CCDC158: variants seen among roughly 807,000 people sequenced by gnomAD.
The protein encoded by CCDC158 is coiled-coil domain containing 158, also known as coiled-coil domain-containing protein 158.
Under a neutral mutation model 138.6 loss-of-function variants are expected in CCDC158, and 116 were observed. The observed-to-expected ratio is 0.84, with a 90% CI of 0.72 to 0.98. CCDC158 has a LOEUF of 0.98. Among genes scored for constraint, CCDC158 ranks in the 50% least tolerant of loss-of-function variants. The pLI, the probability that CCDC158 is intolerant of heterozygous loss-of-function variation, is 0.00. For missense variants in CCDC158, 1,265 were observed against 1,306.1 expected, an observed-to-expected ratio of 0.97 and a Z score of 0.48; for synonymous variants, 436 against 442.4, an observed-to-expected ratio of 0.99 and a Z score of 0.18.
chr4:76,339,931 A>C (rs374918568), intron 18 of CCDC158, among the ~76,000 whole-genome samples: 6 of 152,184 alleles, frequency 3.9e-5, no homozygotes, highest in African/African-American at 1.4e-4. Context: ...TCTCTTATAC[A>C]CAGAAGTGAG....
At chr4:76,395,192 T>C (rs1162309795) in intron 4 of CCDC158, among the ~76,000 whole-genome samples, 2 of 152,214 alleles carry the variant, frequency 1.3e-5, no homozygotes, top group African/African-American at 2.4e-5. Context: ...TGTCTATATA[T>C]ACAACTTCAT....
chr4:76,353,248 G>A lies in CCDC158; in HGVS notation c.2320C>T (p.Leu774Phe), dbSNP rs1723223507. 6.2e-7 allele frequency: 1 copy of A among 1,609,446 alleles called. No individual in the cohort carries two copies. Among genetic ancestry groups the A allele is most frequent in the Non-Finnish European group, 8.5e-7 (1 of 1,178,474 alleles). Reference protein sequence around the residue: ...KHFLKEEKSKLSQELSTVATE... With the variant: ...KHFLKEEKSKFSQELSTVATE... ...GCAACAGTACTCAATTCCTGACTGA[G>A]TTTACTTTTCTCTTCTTTCAGAAAA... is the stretch of plus-strand genomic sequence containing the variant. The change falls in exon 16 of 25, where the codon CTC becomes TTC. Residue 774 changes from leucine (L) to phenylalanine (F), a missense_variant. By Grantham distance (22) the Leu-to-Phe change is conservative. Transcript: ENST00000682701.
At chr4:76,371,560 C>T (rs1725242262) in intron 9 of CCDC158, 24 bp from the exon 10 acceptor site, 1 of 1,613,146 alleles carries the variant, frequency 6.2e-7, no homozygotes, top group African/African-American at 1.3e-5. Flanking sequence ...ACAAATTGAA[C>T]AGTGTCTGAT....
At chr4:76,396,070 A>G (rs1429146910) in intron 4 of CCDC158, among the ~76,000 whole-genome samples, 199 bp downstream of exon 4, 1 of 152,240 alleles carries the variant, frequency 6.6e-6, no homozygotes, top group Admixed American at 6.5e-5. Flanking sequence ...TAAAAAAGAA[A>G]AATAAATATG....
chr4:76,354,754 C>T (rs992111418), intron 15 of CCDC158, among the ~76,000 whole-genome samples: 2 of 152,220 alleles, frequency 1.3e-5, no homozygotes, highest in Non-Finnish European at 2.9e-5. Flanking sequence ...CATCCATCCA[C>T]ATCCGGTGTT....
At chr4:76,400,046 A>G (rs1157199599) in intron 3 of CCDC158, among the ~76,000 whole-genome samples, 1 of 152,136 alleles carries the variant, frequency 6.6e-6, no homozygotes, top group Non-Finnish European at 1.5e-5. Flanking sequence ...TTAGGAAATA[A>G]TGTTATCTGA....
chr4:76,413,001 C>T (rs1729409547), intron 1 of CCDC158, among the ~76,000 whole-genome samples: 1 of 152,162 alleles, frequency 6.6e-6, no homozygotes, highest in Non-Finnish European at 1.5e-5. Context: ...ACCATTTTAA[C>T]TGCTCTTCAC....
At position 76,314,603 on chromosome 4, in the gene CCDC158, C is replaced by G. The variant is rs4859663; in HGVS notation, c.3278-1357G>C. ...AAATCCTGCCTCTCAACAAATACCC[C>G]CATTGGGGAACCTGAAAATCCAGAT... On this transcript the variant is annotated intron_variant, in intron 24 of 24. Coordinates refer to ENST00000682701, the MANE Select transcript of CCDC158 (RefSeq NM_001394954.1). Among the ~76,000 whole-genome samples, 17 of 152,060 alleles carry G rather than the reference C, an allele frequency of 1.1e-4. No homozygotes were observed. In the East Asian group the frequency reaches 2.9e-3, roughly 26 times the overall value.
intron 18 of CCDC158, among the ~76,000 whole-genome samples, chr4:76,346,882 C>T (rs1020006121): frequency 1.2e-4 from 18 of 152,194 alleles, no homozygotes; most frequent in African/African-American, 4.3e-4. Flanking sequence ...TATGAACAGA[C>T]ACTTCTCAGA....
intron 9 of CCDC158, among the ~76,000 whole-genome samples, chr4:76,372,768 T>G (rs908354582): frequency 2.6e-5 from 4 of 152,210 alleles, no homozygotes; most frequent in African/African-American, 9.7e-5. Flanking sequence ...CATTTTATTC[T>G]GACAAGGCAG....
intron 24 of CCDC158, among the ~76,000 whole-genome samples, chr4:76,320,806 A>G (rs1719922930): frequency 6.6e-6 from 1 of 152,246 alleles, no homozygotes; most frequent in Non-Finnish European, 1.5e-5. Context: ...AACCACAAAA[A>G]TTCTAGAAGA....
intron 24 of CCDC158, 106 bp downstream of exon 24, chr4:76,323,196 T>C (rs1720199062): frequency 2.7e-6 from 2 of 735,604 alleles, no homozygotes. Flanking sequence ...TTTACAGTTG[T>C]TAATTCAATA....
At chr4:76,365,290 T>C (rs1724547219) in intron 12 of CCDC158, among the ~76,000 whole-genome samples, 1 of 152,198 alleles carries the variant, frequency 6.6e-6, no homozygotes, top group South Asian at 2.1e-4. Context: ...CCCACCTTTT[T>C]TTCTTATCAG....
Position 76,334,150 on chromosome 4 carries a change from G to A in CCDC158, c.2682C>T (p.Asn894=), listed in dbSNP as rs750015585. Residue 894 remains asparagine, a synonymous_variant, in exon 19 of 25, where the codon AAC becomes AAT. Coordinates refer to ENST00000682701, the MANE Select transcript of CCDC158 (RefSeq NM_001394954.1). ...SFLSHHSTKA[N]TLKEDPTRDL... is the part of the protein sequence containing the mutation. The stretch of plus-strand genomic sequence containing the variant: ...CCCTTGTTGGATCTTCCTTCAGTGT[G>A]TTAGCTTTTGTAGAGTGCTGAGTTA... 1.2e-6 allele frequency: 2 copies of A among 1,609,646 alleles called. No homozygotes were observed. The highest frequency in any genetic ancestry group is 4.5e-5 in the East Asian group (2 of 44,834).
chr4:76,419,763 T>C (rs1442350803), intron 1 of CCDC158, among the ~76,000 whole-genome samples: 3 of 151,772 alleles, frequency 2.0e-5, no homozygotes, highest in African/African-American at 7.3e-5. Context: ...TAATCACGTA[T>C]GCAAAGGCAC....
At chr4:76,370,193 A>G (rs779386998) in intron 10 of CCDC158, among the ~76,000 whole-genome samples, 16 of 152,240 alleles carry the variant, frequency 1.1e-4, no homozygotes, top group Non-Finnish European at 2.1e-4. Flanking sequence ...CTTAGGATCC[A>G]AGAGAAAGTT....
At chr4:76,345,048 A>G (rs1722410222) in intron 18 of CCDC158, 2 of 1,361,548 alleles carry the variant, frequency 1.5e-6, no homozygotes, top group Non-Finnish European at 2.1e-6. Context: ...AGGATCAACG[A>G]TTCTTGTGTG....
intron 24 of CCDC158, 117 bp from the exon 25 acceptor site, chr4:76,313,363 CAT>C (rs1375243104): frequency 1.9e-6 from 1 of 537,246 alleles, no homozygotes; most frequent in Non-Finnish European, 3.1e-6. Flanking sequence ...GAGCTCAAGA[CAT>C]TCTTAAAAAT....
intron 22 of CCDC158, 52 bp from the exon 23 acceptor site, chr4:76,326,067 A>C: frequency 7.1e-7 from 1 of 1,408,994 alleles, no homozygotes; most frequent in Non-Finnish European, 9.8e-7. Flanking sequence ...TAAAAATAGC[A>C]AACTGCACCT....
Sources: allele counts gnomAD v4.1 joint callset (sites outside exome capture counted in the v4.1 genomes callset), GRCh38; gene constraint gnomAD v4.1.1; transcripts MANE v1.5; gene names NCBI Gene and HGNC (gene_info 2026-07-23, HGNC 2026-07-21).